Variants in DENND3 observed in about 807,000 individuals in gnomAD.
DENND3 encodes the protein DENN domain-containing protein 3.
Under a neutral mutation model 135.1 loss-of-function variants are expected in DENND3, and 88 were observed. That is an observed-to-expected ratio of 0.65 (90% CI 0.55 to 0.78). The LOEUF is 0.78. DENND3 is among the 30% of genes least tolerant of loss of function. The pLI, the probability that DENND3 is intolerant of heterozygous loss-of-function variation, is 0.00. For synonymous variants in DENND3, 693 were observed against 712.3 expected (o/e 0.97, Z 0.43); for missense variants, 1,392 against 1,688.4 (o/e 0.82, Z 3.08).
chr8:141,136,779 C>T lies in DENND3; in HGVS notation c.373C>T (p.Leu125=), dbSNP rs1699395139. Residue 125 remains leucine, a synonymous_variant, in exon 2 of 23, where the codon CTG becomes TTG. Coordinates refer to ENST00000519811, the MANE Select transcript of DENND3 (RefSeq NM_001352890.3). ...GGVDLLTLPQ[L]CFPGGVCVAT... ...CGTGGACCTCCTCACCCTGCCGCAGCTGTGCTTCCCAGGTATGTCTAGGAG... is the reference window on the plus strand; with the variant it reads ...CGTGGACCTCCTCACCCTGCCGCAGTTGTGCTTCCCAGGTATGTCTAGGAG... The T allele has an allele frequency of 6.3e-7, 1 of 1,576,814 alleles. No individual in the cohort carries two copies. The highest frequency in any genetic ancestry group is 8.6e-7 in the Non-Finnish European group (1 of 1,162,432).
In DENND3 at chr8:141,183,922, A is replaced by C. The variant is rs1253675098; in HGVS notation, c.2945-1217A>C. Among the ~76,000 whole-genome samples the C allele has an allele frequency of 2.0e-5, 3 of 152,146 alleles. 1 individual carries two copies. Among genetic ancestry groups the C allele is most frequent in the Non-Finnish European group, 4.4e-5 (3 of 68,018 alleles). On this transcript the variant is annotated intron_variant, in intron 17 of 22. Coordinates refer to ENST00000519811, the MANE Select transcript of DENND3 (RefSeq NM_001352890.3). The stretch of plus-strand genomic sequence containing the variant: ...CAGAGGGAGCAGCGTGCTTTCCGCC[A>C]GGGGTCTTAGTTCCAGCTGTGGCTG...
Position 141,166,110 on chromosome 8 carries a change from TG to T in DENND3, c.1554-77del. On this transcript the variant is annotated intron_variant, in intron 11 of 22. Coordinates refer to ENST00000519811, the MANE Select transcript of DENND3 (RefSeq NM_001352890.3). This position sits in a 1 kb window ranked among gnomAD's most constrained non-coding sequence, Gnocchi z 4.3. ...GAGTGTCATGTGCTCTTCATCACACTGGGAAAAATGCTTAGTTTAGGCTTAT... is the reference window on the plus strand; with the variant it reads ...GAGTGTCATGTGCTCTTCATCACACTGGAAAAATGCTTAGTTTAGGCTTAT... 7.1e-7 allele frequency: 1 copy of T among 1,403,370 alleles called. No individual in the cohort carries two copies. The highest frequency in any genetic ancestry group is 1.0e-6 in the Non-Finnish European group (1 of 1,000,310). The allele number at this position is 1,403,370 out of a possible 1,614,324, so 86.9% of individuals were successfully genotyped here. A position where few individuals can be genotyped will look rare whatever the true frequency, so the allele number is the denominator to read the frequency against.
Position 141,137,900 on chromosome 8 carries a change from A to G in DENND3, c.386-122A>G. ...TCGGAAGAATGAACCCGCCTTGGAC[A>G]TGAAGGCACCACCACTGCTAACTGT... On this transcript the variant is annotated intron_variant, in intron 2 of 22. Coordinates refer to ENST00000519811, the MANE Select transcript of DENND3 (RefSeq NM_001352890.3). This position sits in a 1 kb window ranked among gnomAD's most constrained non-coding sequence, Gnocchi z 4.1. 2.1e-6 allele frequency: 2 copies of G among 936,712 alleles called. No individual in the cohort carries two copies. The highest frequency in any genetic ancestry group is 3.2e-6 in the Non-Finnish European group (2 of 625,512). The allele number at this position is 936,712 out of a possible 1,614,324, so 58.0% of individuals were successfully genotyped here. A position where few individuals can be genotyped will look rare whatever the true frequency, so the allele number is the denominator to read the frequency against.
chr8:141,188,848 C>G, intron 18 of DENND3, 138 bp from the exon 19 acceptor site: 1 of 1,184,056 alleles, frequency 8.4e-7, no homozygotes, highest in South Asian at 1.6e-5. Context: ...CAGAGGCTCC[C>G]AGGACCCTGA....
chr8:141,175,415 G>A lies in DENND3; in HGVS notation c.2491G>A (p.Gly831Arg), dbSNP rs760850912. The A allele has an allele frequency of 2.5e-6, 4 of 1,614,162 alleles. No homozygotes were observed. The highest frequency in any genetic ancestry group is 3.4e-6 in the Non-Finnish European group (4 of 1,180,028). ...TQKRLFLLTE[G>R]RPGYLEISTF... ...GAAGCGCCTGTTCCTCCTAACCGAA[G>A]GAAGGCCAGGCTACTTGGAGATTTC... Residue 831 changes from glycine to arginine, a missense_variant, in exon 14 of 23, where the codon GGA (glycine) becomes AGA (arginine). Physicochemically the swap from Gly to Arg is moderately radical, Grantham distance 125. Transcript: ENST00000519811. The surrounding 1 kb of genome is among the most constrained non-coding windows in gnomAD (Gnocchi z 5.4).
chr8:141,133,113 C>A (rs992900981), intron 1 of DENND3, among the ~76,000 whole-genome samples: 1 of 152,144 alleles, frequency 6.6e-6, no homozygotes, highest in African/African-American at 2.4e-5. Flanking sequence ...GTGGCAGAGA[C>A]CTTCTGCAGT....
rs1276911813 is a variant in DENND3 at position 141,154,907 on chromosome 8, A to G, written c.1075-942A>G. Among the ~76,000 whole-genome samples the G allele has an allele frequency of 6.6e-6, 1 of 152,180 alleles. No individual in the cohort carries two copies. Among genetic ancestry groups the G allele is most frequent in the African/African-American group, 2.4e-5 (1 of 41,436 alleles). On this transcript the variant is annotated intron_variant, in intron 7 of 22. Transcript: ENST00000519811. The surrounding 1 kb of genome is among the most constrained non-coding windows in gnomAD (Gnocchi z 4.4). ...AAAGAGAAAGGCATATGGGTAAGCA[A>G]AATGTGGTCTTTCCAAATAATGGAC...
intron 1 of DENND3, among the ~76,000 whole-genome samples, chr8:141,131,238 C>T (rs964816506): frequency 2.0e-5 from 3 of 152,236 alleles, no homozygotes; most frequent in Middle Eastern, 3.4e-3. Context: ...CCCCTCCACC[C>T]CTTTACTATA....
In DENND3 at chr8:141,141,799, T is replaced by C. The variant is rs1390293955; in HGVS notation, c.623+475T>C. ...GGCTCACACCTGTAATCCCAGCATA[T>C]TGGGAGACTAAGATGGGAGGACTGC... On this transcript the variant is annotated intron_variant, in intron 4 of 22. Transcript: ENST00000519811. This position sits in a 1 kb window ranked among gnomAD's most constrained non-coding sequence, Gnocchi z 5.3. The C allele has an allele frequency of 1.0e-5, 2 of 196,624 alleles. No individual in the cohort carries two copies. The highest frequency in any genetic ancestry group is 2.1e-5 in the Non-Finnish European group (2 of 93,460). The allele number at this position is 196,624 out of a possible 1,614,324, so 12.2% of individuals were successfully genotyped here.
At position 141,190,281 on chromosome 8, in the gene DENND3, C is replaced by CAG; in HGVS notation, c.3246-2_3246-1dup. On this transcript the variant is annotated splice_polypyrimidine_tract_variant and splice_region_variant and intron_variant, in intron 19 of 22. Coordinates refer to ENST00000519811, the MANE Select transcript of DENND3 (RefSeq NM_001352890.3). ...GGTGTGTGTGTGTGTTTTGTGCCCC[C>CAG]AGCAACGTGTACTCGTGCAGCATGG... 1.9e-6 allele frequency: 3 copies of CAG among 1,585,650 alleles called. No homozygotes were observed. The highest frequency in any genetic ancestry group is 2.6e-6 in the Non-Finnish European group (3 of 1,163,798).
At chr8:141,133,802 C>T (rs1445908309) in intron 1 of DENND3, among the ~76,000 whole-genome samples, 4 of 151,950 alleles carry the variant, frequency 2.6e-5, no homozygotes, top group African/African-American at 7.3e-5. Context: ...GGTGGGAGAT[C>T]AGGCTTTTTG....
chr8:141,150,091 C>T (rs1024117977), intron 5 of DENND3, among the ~76,000 whole-genome samples: 13 of 152,224 alleles, frequency 8.5e-5, no homozygotes, highest in Admixed American at 6.5e-4. Flanking sequence ...GCTTTGCTTA[C>T]ACTTAGATCC....
At chr8:141,179,473 G>A (rs1032329660) in intron 16 of DENND3, among the ~76,000 whole-genome samples, 2 of 152,216 alleles carry the variant, frequency 1.3e-5, no homozygotes, top group African/African-American at 4.8e-5. Context: ...GGTGTGGTGC[G>A]CTGGCTCCCG....
At position 141,128,934 on chromosome 8, in the gene DENND3, C is replaced by T. The variant is rs1040663326; in HGVS notation, c.102+125C>T. ...CTTTCCGAGGGCTGAGTCCCGGTCC[C>T]CCGGCGGTGACCCCGCGCGCCTGTG... On this transcript the variant is annotated intron_variant, in intron 1 of 22. Coordinates refer to ENST00000519811, the MANE Select transcript of DENND3 (RefSeq NM_001352890.3). This position sits in a 1 kb window ranked among gnomAD's most constrained non-coding sequence, Gnocchi z 4.5. 1.0e-5 allele frequency: 7 copies of T among 702,652 alleles called. No individual in the cohort carries two copies. The highest frequency in any genetic ancestry group is 4.2e-4 in the Middle Eastern group (1 of 2,368). 43.5% of individuals were successfully genotyped at this position (702,652 alleles called of 1,614,324 possible). A position where few individuals can be genotyped will look rare whatever the true frequency, so the allele number is the denominator to read the frequency against.
chr8:141,130,996 A>C lies in DENND3; in HGVS notation c.102+2187A>C, dbSNP rs1816013851. Among the ~76,000 whole-genome samples the C allele has an allele frequency of 6.6e-6, 1 of 152,016 alleles. No individual in the cohort carries two copies. Among genetic ancestry groups the C allele is most frequent in the South Asian group, 2.1e-4 (1 of 4,816 alleles). Reference sequence around the variant, plus strand: ...CACCGCACCTGGCCGCTTTTAAATAATTTTTACCTTGACTTTTACAAATCC... The same window carrying C: ...CACCGCACCTGGCCGCTTTTAAATACTTTTTACCTTGACTTTTACAAATCC... On this transcript the variant is annotated intron_variant, in intron 1 of 22. Transcript: ENST00000519811. This position sits in a 1 kb window ranked among gnomAD's most constrained non-coding sequence, Gnocchi z 4.2.
chr8:141,192,492 G>A (rs1824884416), intron 21 of DENND3, 34 bp from the exon 22 acceptor site: 1 of 1,612,316 alleles, frequency 6.2e-7, no homozygotes, highest in African/African-American at 1.3e-5. Flanking sequence ...GCGTGGCCCG[G>A]GGCCCATAGC....
chr8:141,142,103 G>A (rs182209369), intron 4 of DENND3: 7 of 309,774 alleles, frequency 2.3e-5, no homozygotes, highest in East Asian at 1.1e-4. Flanking sequence ...GGCTGAGGAC[G>A]TAAAGAACTT....
At chr8:141,140,020 T>A (rs993248393) in intron 3 of DENND3, among the ~76,000 whole-genome samples, 3 of 152,068 alleles carry the variant, frequency 2.0e-5, no homozygotes, top group African/African-American at 7.2e-5. Context: ...CAAGTGATTC[T>A]CCCACCTCAG....
Position 141,136,506 on chromosome 8 carries a change from TAGG to T in DENND3, c.103-2_103del. The T allele has an allele frequency of 6.5e-7, 1 of 1,540,908 alleles. No homozygotes were observed. The highest frequency in any genetic ancestry group is 8.7e-7 in the Non-Finnish European group (1 of 1,143,062). On this transcript the variant is annotated splice_acceptor_variant and coding_sequence_variant, in exon 2 of 23. Coordinates refer to ENST00000519811, the MANE Select transcript of DENND3 (RefSeq NM_001352890.3). LOFTEE classifies it high-confidence loss of function. ...CAGTAACTCTTATTTTTCCCTTTTT[TAGG>T]TTGCTTATAAAAAGGGAGTCAAACA...
Sources: gnomAD v4.1 joint callset for allele counts (sites outside exome capture counted in the v4.1 genomes callset) on GRCh38, gnomAD v4.1.1 for gene constraint, Gnocchi (gnomAD v3.1) non-coding constraint, MANE v1.5 for transcripts, NCBI Gene and HGNC (gene_info 2026-07-23, HGNC 2026-07-21) for gene names.